The following PIM1 variants were observed in gnomAD, a reference collection of about 807,000 sequenced individuals.
PIM1 encodes serine/threonine-protein kinase pim-1.
A neutral mutation model predicts 34.5 loss-of-function variants in PIM1; 9 were observed. The ratio of observed to expected loss-of-function variants is 0.26; its 90% CI spans 0.16 to 0.46. The LOEUF is 0.46. Among genes scored for constraint, PIM1 ranks in the 20% least tolerant of loss-of-function variants. PIM1 has a pLI of 1.00. For missense variants in PIM1, 274 were observed against 410.9 expected (o/e 0.67, Z 2.88); for synonymous variants, 199 against 175.2 (o/e 1.14, Z -1.07).
rs570001331 is a variant in PIM1, at chr6:37,172,906, T to A, written c.608-90T>A. 7.9e-5 allele frequency: 91 copies of A among 1,150,090 alleles called. No homozygotes were observed. In the South Asian group the frequency reaches 1.0e-3, roughly 13 times the overall value. The allele number at this position is 1,150,090 out of a possible 1,614,324, so 71.2% of individuals were successfully genotyped here. ...CCTGAGAGAAGGGATTTTTTTTTTTTTTAAAAGAAAGAGTTATATATACCA... is the reference window on the plus strand; with the variant it reads ...CCTGAGAGAAGGGATTTTTTTTTTTATTAAAAGAAAGAGTTATATATACCA... On this transcript the variant is annotated intron_variant, in intron 4 of 5. Transcript: ENST00000373509.
In PIM1 at chr6:37,175,106, C is replaced by T. The variant is rs1298722405; in HGVS notation, c.*1015C>T. The T allele has an allele frequency of 4.7e-5, 11 of 233,334 alleles. No homozygotes were observed. The highest frequency in any genetic ancestry group is 1.8e-4 in the South Asian group (1 of 5,538). The allele number at this position is 233,334 out of a possible 1,614,324, so 14.5% of individuals were successfully genotyped here. A position where few individuals can be genotyped will look rare whatever the true frequency, so the allele number is the denominator to read the frequency against. ...TTGGGGACCTTTTGGGGGAGGGCTGCGACGCTTGCTCTGTTTGTGGGGTGA... is the reference window on the plus strand; with the variant it reads ...TTGGGGACCTTTTGGGGGAGGGCTGTGACGCTTGCTCTGTTTGTGGGGTGA... On this transcript the variant is annotated 3_prime_UTR_variant, in exon 6 of 6. Coordinates refer to ENST00000373509, the MANE Select transcript of PIM1 (RefSeq NM_002648.4).
chr6:37,170,314 G>T lies in PIM1; in HGVS notation c.-262G>T. On this transcript the variant is annotated 5_prime_UTR_variant, in exon 1 of 6. Transcript: ENST00000373509. ...CCTGCCCCGCGGCGCTGCCGCACGA[G>T]CCCCACGAGCCGCTCACCCCGCCGT... 1 of 1,455,662 alleles carries T rather than the reference G, an allele frequency of 6.9e-7. No individual in the cohort carries two copies. 90.2% of individuals were successfully genotyped at this position (1,455,662 alleles called of 1,614,324 possible). A position where few individuals can be genotyped will look rare whatever the true frequency, so the allele number is the denominator to read the frequency against.
chr6:37,174,870 G>T lies in PIM1; in HGVS notation c.*779G>T, dbSNP rs780590177. The T allele has an allele frequency of 3.9e-5, 9 of 233,570 alleles. No homozygotes were observed. The highest frequency in any genetic ancestry group is 6.8e-5 in the Non-Finnish European group (8 of 118,080). The allele number at this position is 233,570 out of a possible 1,614,324, so 14.5% of individuals were successfully genotyped here. On this transcript the variant is annotated 3_prime_UTR_variant, in exon 6 of 6. Transcript: ENST00000373509. The stretch of plus-strand genomic sequence containing the variant: ...CTGTAAATGTGTGTACAGTTGGCAT[G>T]GTAGTATACAAAAAGATTGTAGTGG...
chr6:37,173,691 A>G (rs900776826), intron 5 of PIM1, among the ~76,000 whole-genome samples: 1 of 152,126 alleles, frequency 6.6e-6, no homozygotes, highest in African/African-American at 2.4e-5. Context: ...AAAGGCCCCC[A>G]CTATTGAAGT....
Position 37,170,292 on chromosome 6 carries a change from G to A in PIM1, c.-284G>A. The stretch of plus-strand genomic sequence containing the variant: ...CAGCAGCAGCAACCACTAGCCTCCT[G>A]CCCCGCGGCGCTGCCGCACGAGCCC... On this transcript the variant is annotated 5_prime_UTR_variant, in exon 1 of 6. Transcript: ENST00000373509. 7.1e-7 allele frequency: 1 copy of A among 1,406,772 alleles called. No individual in the cohort carries two copies. Among genetic ancestry groups the A allele is most frequent in the African/African-American group, 1.5e-5 (1 of 66,140 alleles). The allele number at this position is 1,406,772 out of a possible 1,614,324, so 87.1% of individuals were successfully genotyped here.
In PIM1 at chr6:37,170,581, C is replaced by T. The variant is rs576804627; in HGVS notation, c.6C>T (p.Leu2=). ...CCGACATCCTGGAGGTTGGGATGCT[C>T]TTGTCCAAAATCAACTCGCTTGCCC... The part of the protein sequence containing the change: M[L]LSKINSLAHL... Residue 2 remains leucine (L), a synonymous_variant, in exon 1 of 6, where the codon CTC becomes CTT. Coordinates refer to ENST00000373509, the MANE Select transcript of PIM1 (RefSeq NM_002648.4). 6 of 1,613,106 alleles carry T rather than the reference C, an allele frequency of 3.7e-6. No homozygotes were observed. The Admixed American group carries it at 6.7e-5, about 18-fold the overall frequency.
At position 37,170,373 on chromosome 6, in the gene PIM1, C is replaced by T. The variant is rs926270538; in HGVS notation, c.-203C>T. The stretch of plus-strand genomic sequence containing the variant: ...CTGCCCGACCCCGCTGGCGCGCCCT[C>T]CCGCCGCCAGTCCCGGCAGCGCCCT... On this transcript the variant is annotated 5_prime_UTR_variant, in exon 1 of 6. Transcript: ENST00000373509. The T allele has an allele frequency of 1.4e-5, 21 of 1,522,092 alleles. No individual in the cohort carries two copies. Among genetic ancestry groups the T allele is most frequent in the Non-Finnish European group, 1.5e-5 (17 of 1,140,744 alleles). The allele number at this position is 1,522,092 out of a possible 1,614,324, so 94.3% of individuals were successfully genotyped here.
Position 37,173,166 on chromosome 6 carries a change from T to G in PIM1, c.778T>G (p.Ser260Ala), listed in dbSNP as rs748993573. 1.2e-6 allele frequency: 2 copies of G among 1,614,170 alleles called. No individual in the cohort carries two copies. Among genetic ancestry groups the G allele is most frequent in the Non-Finnish European group, 1.7e-6 (2 of 1,180,022 alleles). Residue 260 changes from serine to alanine, a missense_variant, in exon 5 of 6, where the codon TCT becomes GCT. Ser to Ala is a moderately conservative substitution (Grantham distance 99, BLOSUM62 1). Transcript: ENST00000373509. ...RGQVFFRQRV[S>A]SECQHLIRWC... ...CCAGGTTTTCTTCAGGCAGAGGGTC[T>G]CTTCAGGTAACTGATGGAAACCCCT...
At position 37,170,612 on chromosome 6, in the gene PIM1, C is replaced by G; in HGVS notation, c.37C>G (p.Arg13Gly). 6.2e-7 allele frequency: 1 copy of G among 1,612,950 alleles called. No individual in the cohort carries two copies. The highest frequency in any genetic ancestry group is 8.5e-7 in the Non-Finnish European group (1 of 1,179,566). ...CAAAATCAACTCGCTTGCCCACCTG[C>G]GCGCCGCGCCCTGCAACGACCTGCA... ...LSKINSLAHLRAAPCNDLHAT... is the reference protein window; with the variant it reads ...LSKINSLAHLGAAPCNDLHAT... The change falls in exon 1 of 6, where the codon CGC becomes GGC. Residue 13 changes from arginine (R) to glycine (G), a missense_variant. By Grantham distance (125) the Arg-to-Gly change is moderately radical. Coordinates refer to ENST00000373509, the MANE Select transcript of PIM1 (RefSeq NM_002648.4).
rs761663338 is a variant in PIM1, at chr6:37,170,502, G to C, written c.-74G>C. 4.3e-5 allele frequency: 69 copies of C among 1,599,218 alleles called. No individual in the cohort carries two copies. The highest frequency in any genetic ancestry group is 5.8e-5 in the Non-Finnish European group (68 of 1,175,726). Reference sequence around the variant, plus strand: ...AGCCACAGCCCCAGGCATAGCCTTCGGCACAGCCCCGGCTCCGGCTCCTGC... The same window carrying C: ...AGCCACAGCCCCAGGCATAGCCTTCCGCACAGCCCCGGCTCCGGCTCCTGC... On this transcript the variant is annotated 5_prime_UTR_variant, in exon 1 of 6. Transcript: ENST00000373509.
Position 37,171,206 on chromosome 6 carries a change from G to A in PIM1, c.322G>A (p.Asp108Asn). ...SGFSGVIRLL[D>N]WFERPDSFVL... ...TTTCTCCGGCGTCATTAGGCTCCTG[G>A]ACTGGTTCGAGAGGCCCGACAGTTT... Residue 108 changes from aspartate (D) to asparagine (N), a missense_variant, in exon 4 of 6, where the codon GAC becomes AAC. By Grantham distance (23) the Asp-to-Asn change is conservative. Coordinates refer to ENST00000373509, the MANE Select transcript of PIM1 (RefSeq NM_002648.4). 3.1e-6 allele frequency: 5 copies of A among 1,614,120 alleles called. No individual in the cohort carries two copies. Among genetic ancestry groups the A allele is most frequent in the Non-Finnish European group, 4.2e-6 (5 of 1,180,038 alleles).
chr6:37,171,103 C>T (rs1430807196), intron 3 of PIM1, 22 bp from the exon 4 acceptor site: 3 of 1,613,722 alleles, frequency 1.9e-6, no homozygotes, highest in Non-Finnish European at 2.5e-6. Flanking sequence ...CCCGCCCTAA[C>T]GCGGCCCCCT....
Position 37,170,193 on chromosome 6 carries a change from C to T in PIM1, c.-383C>T, listed in dbSNP as rs1260150626. 4 of 1,144,242 alleles carry T rather than the reference C, an allele frequency of 3.5e-6. No homozygotes were observed. Among genetic ancestry groups the T allele is most frequent in the Non-Finnish European group, 4.4e-6 (4 of 918,270 alleles). The allele number at this position is 1,144,242 out of a possible 1,614,324, so 70.9% of individuals were successfully genotyped here. A position where few individuals can be genotyped will look rare whatever the true frequency, so the allele number is the denominator to read the frequency against. On this transcript the variant is annotated 5_prime_UTR_variant, in exon 1 of 6. Coordinates refer to ENST00000373509, the MANE Select transcript of PIM1 (RefSeq NM_002648.4). ...CGAGCCGGGCGTCTGCTGCAGCGGC[C>T]GCGGTGGCTGAGGAGGCCCGAGAGG...
rs1384343163 is a variant in PIM1, at chr6:37,171,046, G to C, written c.240+15G>C. The C allele has an allele frequency of 1.9e-6, 3 of 1,613,976 alleles. No individual in the cohort carries two copies. In the Admixed American group the frequency reaches 5.0e-5, roughly 27 times the overall value. On this transcript the variant is annotated intron_variant, in intron 3 of 5. Transcript: ENST00000373509. ...GGGGAGAGCTGGTGAGTGCCCTGCA[G>C]GAGCGACCCCCAGGATGAGTGGGTG...
rs1451904001 is a variant in PIM1 at position 37,171,464 on chromosome 6, A to G, written c.580A>G (p.Lys194Glu). ...LIDFGSGALLKDTVYTDFDGT... is the reference protein window; with the variant it reads ...LIDFGSGALLEDTVYTDFDGT... ...CGACTTCGGGTCGGGGGCGCTGCTC[A>G]AGGACACCGTCTACACGGACTTCGA... Residue 194 changes from lysine to glutamate, a missense_variant, in exon 4 of 6, where the codon AAG becomes GAG. By Grantham distance (56) the Lys-to-Glu change is moderately conservative (BLOSUM62 1). This residue lies in a region of PIM1 where 168 missense variants were observed against 299.4 expected (regional missense o/e 0.56). Transcript: ENST00000373509. 1.9e-6 allele frequency: 3 copies of G among 1,613,660 alleles called. No individual in the cohort carries two copies. Among genetic ancestry groups the G allele is most frequent in the Non-Finnish European group, 1.7e-6 (2 of 1,180,018 alleles).
At position 37,174,733 on chromosome 6, in the gene PIM1, T is replaced by G. The variant is rs1443087693; in HGVS notation, c.*642T>G. ...GCCACCTGCCCTTTTTTCTGCCTCC[T>G]TTAGTAAAACTCCGAGTGAACTGGT... On this transcript the variant is annotated 3_prime_UTR_variant, in exon 6 of 6. Transcript: ENST00000373509. The G allele has an allele frequency of 4.3e-6, 1 of 233,662 alleles. No homozygotes were observed. The highest frequency in any genetic ancestry group is 8.5e-6 in the Non-Finnish European group (1 of 118,120). 14.5% of individuals were successfully genotyped at this position (233,662 alleles called of 1,614,324 possible). A position where few individuals can be genotyped will look rare whatever the true frequency, so the allele number is the denominator to read the frequency against.
rs1187659822 is a variant in PIM1 at position 37,170,343 on chromosome 6, C to T, written c.-233C>T. 1 of 1,505,730 alleles carries T rather than the reference C, an allele frequency of 6.6e-7. No homozygotes were observed. The highest frequency in any genetic ancestry group is 8.8e-7 in the Non-Finnish European group (1 of 1,132,710). 93.3% of individuals were successfully genotyped at this position (1,505,730 alleles called of 1,614,324 possible). On this transcript the variant is annotated 5_prime_UTR_variant, in exon 1 of 6. Transcript: ENST00000373509. ...CACGAGCCGCTCACCCCGCCGTTCT[C>T]AGCGCTGCCCGACCCCGCTGGCGCG... is the stretch of plus-strand genomic sequence containing the variant.
Position 37,170,275 on chromosome 6 carries a change from G to A in PIM1, c.-301G>A, listed in dbSNP as rs546710622. On this transcript the variant is annotated 5_prime_UTR_variant, in exon 1 of 6. Coordinates refer to ENST00000373509, the MANE Select transcript of PIM1 (RefSeq NM_002648.4). ...AGCAGCAGCAGCAGCAGCAGCAGCA[G>A]CAACCACTAGCCTCCTGCCCCGCGG... is the stretch of plus-strand genomic sequence containing the variant. 6.0e-5 allele frequency: 77 copies of A among 1,283,576 alleles called. No homozygotes were observed. The highest frequency in any genetic ancestry group is 4.8e-4 in the African/African-American group (28 of 58,574). 79.5% of individuals were successfully genotyped at this position (1,283,576 alleles called of 1,614,324 possible).
chr6:37,170,760 C>G lies in PIM1; in HGVS notation c.83-13C>G. On this transcript the variant is annotated splice_polypyrimidine_tract_variant and intron_variant, in intron 1 of 5. Transcript: ENST00000373509. ...GGGCCGGCACTGAGTCCCCGTGCTT[C>G]CCCCTTTCCTAGGCAAGGAGAAGGA... 6 of 1,611,508 alleles carry G rather than the reference C, an allele frequency of 3.7e-6. No individual in the cohort carries two copies. The highest frequency in any genetic ancestry group is 5.1e-6 in the Non-Finnish European group (6 of 1,179,218).
Sources: allele counts gnomAD v4.1 joint callset (sites outside exome capture counted in the v4.1 genomes callset), GRCh38; gene constraint gnomAD v4.1.1; regional missense constraint gnomAD v4.1.1; transcripts MANE v1.5; gene names NCBI Gene and HGNC (gene_info 2026-07-23, HGNC 2026-07-21).